TBC1D19: variants seen among roughly 807,000 people sequenced by gnomAD.
TBC1D19 encodes the protein TBC1 domain family member 19, also known as TBC1 domain family, member 19.
In TBC1D19, 60 loss-of-function variants were observed where a neutral mutation model predicts 89.0. The ratio of observed to expected loss-of-function variants is 0.67; its 90% CI spans 0.55 to 0.84. TBC1D19 has a LOEUF of 0.84. Ranked by LOEUF, TBC1D19 falls within the 40% of genes least tolerant of loss-of-function variation. TBC1D19 has a pLI of 0.00. For missense variants in TBC1D19, 500 were observed against 610.8 expected (o/e 0.82, Z 1.91); for synonymous variants, 189 against 199.7 (o/e 0.95, Z 0.45).
intron 16 of TBC1D19, among the ~76,000 whole-genome samples, chr4:26,736,026 C>T (rs1400558165): frequency 2.1e-5 from 3 of 142,700 alleles, no homozygotes; most frequent in African/African-American, 7.7e-5. Flanking sequence ...TACCATTTGA[C>T]CCAGCCATCC....
chr4:26,714,063 G>A (rs1371472917), intron 13 of TBC1D19, among the ~76,000 whole-genome samples: 1 of 151,936 alleles, frequency 6.6e-6, no homozygotes, highest in Non-Finnish European at 1.5e-5. Context: ...TGAATGCAGC[G>A]GGTCAAGCAC....
At chr4:26,734,958 A>G (rs200313787) in intron 15 of TBC1D19, among the ~76,000 whole-genome samples, 21 of 58,020 alleles carry the variant, frequency 3.6e-4, no homozygotes, top group African/African-American at 8.8e-4. Flanking sequence ...ACACATATGT[A>G]TATGTATATA....
chr4:26,696,388 G>C (rs895157121), intron 13 of TBC1D19, among the ~76,000 whole-genome samples: 10 of 152,152 alleles, frequency 6.6e-5, no homozygotes, highest in Admixed American at 6.6e-4. Context: ...AAGAGACTTA[G>C]ACTCCCTCAC....
intron 1 of TBC1D19, among the ~76,000 whole-genome samples, chr4:26,595,976 A>C (rs960023022): frequency 4.6e-5 from 7 of 151,970 alleles, no homozygotes; most frequent in African/African-American, 1.7e-4. Flanking sequence ...ATTTTTTTTG[A>C]GAGAGAGTGT....
intron 13 of TBC1D19, among the ~76,000 whole-genome samples, chr4:26,709,307 C>T (rs1715984115): frequency 6.6e-6 from 1 of 151,890 alleles, no homozygotes; most frequent in Admixed American, 6.6e-5. Flanking sequence ...TTTGAATGAC[C>T]TAGTCTTTAA....
chr4:26,659,588 T>A lies in TBC1D19; in HGVS notation c.481-9T>A, dbSNP rs756385053. 6.4e-7 allele frequency: 1 copy of A among 1,557,976 alleles called. No individual in the cohort carries two copies. Among genetic ancestry groups the A allele is most frequent in the Non-Finnish European group, 8.8e-7 (1 of 1,137,254 alleles). On this transcript the variant is annotated splice_polypyrimidine_tract_variant and intron_variant, in intron 7 of 20. Coordinates refer to ENST00000264866, the MANE Select transcript of TBC1D19 (RefSeq NM_018317.4). ...AAACTAACCAATTTTGTTGGATTTGTTTTTAAAGGTATTAATTAATCTTCG... is the reference window on the plus strand; with the variant it reads ...AAACTAACCAATTTTGTTGGATTTGATTTTAAAGGTATTAATTAATCTTCG...
intron 13 of TBC1D19, among the ~76,000 whole-genome samples, chr4:26,701,728 A>G (rs947584963): frequency 6.6e-6 from 1 of 151,840 alleles, no homozygotes; most frequent in Non-Finnish European, 1.5e-5. Context: ...AGATTAGTTA[A>G]TGTCACACAA....
At chr4:26,640,941 T>G (rs896698178) in intron 7 of TBC1D19, among the ~76,000 whole-genome samples, 16 of 152,206 alleles carry the variant, frequency 1.1e-4, no homozygotes, top group Admixed American at 1.0e-3. Flanking sequence ...GAGGCCTGCC[T>G]GCCTCTGTAG....
intron 12 of TBC1D19, among the ~76,000 whole-genome samples, chr4:26,688,049 C>T (rs928501427): frequency 7.9e-5 from 12 of 151,968 alleles, no homozygotes; most frequent in Non-Finnish European, 1.8e-4. Context: ...TGATTGCATC[C>T]GCTTTTCTTT....
chr4:26,639,852 T>C (rs1560436690), intron 6 of TBC1D19, among the ~76,000 whole-genome samples: 1 of 152,224 alleles, frequency 6.6e-6, no homozygotes, highest in African/African-American at 2.4e-5. Flanking sequence ...AATTCTCATA[T>C]AGTACCTTTA....
At chr4:26,725,071 C>T (rs1227043475) in intron 15 of TBC1D19, among the ~76,000 whole-genome samples, 1 of 152,218 alleles carries the variant, frequency 6.6e-6, no homozygotes, top group Admixed American at 6.5e-5. Flanking sequence ...TAGGTCAAAA[C>T]ACACAACCAC....
chr4:26,663,461 G>A (rs1711520105), intron 8 of TBC1D19, among the ~76,000 whole-genome samples: 1 of 152,122 alleles, frequency 6.6e-6, no homozygotes, highest in Non-Finnish European at 1.5e-5. Context: ...ATTAGGTGAT[G>A]ACACTCTGAA....
At chr4:26,742,476 C>A in intron 17 of TBC1D19, 32 bp from the exon 18 acceptor site, 1 of 1,495,066 alleles carries the variant, frequency 6.7e-7, no homozygotes, top group South Asian at 1.3e-5. Context: ...ATTAAAATAT[C>A]TATTTCTCTT....
chr4:26,618,507 C>T (rs1457220928), intron 3 of TBC1D19, among the ~76,000 whole-genome samples: 1 of 152,186 alleles, frequency 6.6e-6, no homozygotes, highest in Non-Finnish European at 1.5e-5. Flanking sequence ...GGGATCATGG[C>T]TAAGGACGAT....
chr4:26,615,715 A>G (rs1193264912), intron 3 of TBC1D19, among the ~76,000 whole-genome samples: 2 of 152,154 alleles, frequency 1.3e-5, no homozygotes, highest in Non-Finnish European at 2.9e-5. Flanking sequence ...TGAATTCTTA[A>G]ATAATGTTAG....
At chr4:26,622,460 G>A (rs896767513) in intron 4 of TBC1D19, among the ~76,000 whole-genome samples, 18 of 152,114 alleles carry the variant, frequency 1.2e-4, no homozygotes, top group African/African-American at 4.1e-4. Flanking sequence ...AGAGCTTACT[G>A]CTAGCTGCTG....
At chr4:26,717,501 G>A (rs934800990) in intron 13 of TBC1D19, among the ~76,000 whole-genome samples, 1 of 151,998 alleles carries the variant, frequency 6.6e-6, no homozygotes, top group African/African-American at 2.4e-5. Context: ...AGTACCACGA[G>A]TTGCCTTCCC....
intron 14 of TBC1D19, among the ~76,000 whole-genome samples, chr4:26,718,941 G>A (rs891811611): frequency 3.3e-5 from 5 of 151,786 alleles, no homozygotes; most frequent in Admixed American, 1.3e-4. Context: ...CCCCATATTC[G>A]TTCTAGCCTC....
At chr4:26,748,676 G>A (rs866258701) in intron 19 of TBC1D19, 150 bp downstream of exon 19, 20 of 614,344 alleles carry the variant, frequency 3.3e-5, no homozygotes, top group Non-Finnish European at 4.8e-5. Context: ...CGATAAGTAC[G>A]AACAAAAACT....
Sources: allele counts gnomAD v4.1 joint callset (sites outside exome capture counted in the v4.1 genomes callset), GRCh38; gene constraint gnomAD v4.1.1; transcripts MANE v1.5; gene names NCBI Gene and HGNC (gene_info 2026-07-23, HGNC 2026-07-21).